SRBD1: variants seen among roughly 807,000 people sequenced by gnomAD.
SRBD1 encodes S1 RNA binding domain 1, also known as S1 RNA-binding domain-containing protein 1.
Under a neutral mutation model 115.3 loss-of-function variants are expected in SRBD1, and 88 were observed. The observed-to-expected ratio is 0.76, with a 90% confidence interval of 0.64 to 0.91. The LOEUF (loss-of-function observed/expected upper bound fraction) is 0.91. Among genes scored for constraint, SRBD1 ranks in the 40% least tolerant of loss-of-function variants. The probability of loss-of-function intolerance (pLI) is 0.00; values close to 1 mark genes in which losing one functional copy is unlikely to be tolerated. For synonymous variants in SRBD1, 509 were observed against 407.7 expected (o/e 1.25, Z -2.99); for missense variants, 1,385 against 1,177.4 (o/e 1.18, Z -2.58).
chr2:45,573,216 G>A lies in SRBD1; in HGVS notation c.1296C>T (p.His432=). ...QHFSCNIRNI[H]HHQILAINRG... ...CAGTTTCTTTATTTACCTGATGATG[G>A]TGAATGTTTCTTATGTTGCAGGAAA... Residue 432 remains histidine (H), a synonymous_variant, in exon 9 of 21, where the codon CAC becomes CAT. Transcript: ENST00000263736. 6.2e-7 allele frequency: 1 copy of A among 1,607,448 alleles called. No homozygotes were observed. The highest frequency in any genetic ancestry group is 1.3e-5 in the African/African-American group (1 of 74,640).
At chr2:45,555,847 C>T (rs777657739) in intron 10 of SRBD1, among the ~76,000 whole-genome samples, 25 of 152,098 alleles carry the variant, frequency 1.6e-4, no homozygotes, top group African/African-American at 4.6e-4. Context: ...TAGTCTGTTA[C>T]GGCACAGTGG....
intron 16 of SRBD1, among the ~76,000 whole-genome samples, chr2:45,459,122 C>T (rs928064731): frequency 6.6e-6 from 1 of 152,096 alleles, no homozygotes; most frequent in Non-Finnish European, 1.5e-5. Context: ...CTTCCACTCC[C>T]ACCTCCAAAA....
intron 9 of SRBD1, chr2:45,568,067 T>A (rs935774348): frequency 6.6e-6 from 1 of 152,032 alleles, no homozygotes; most frequent in Non-Finnish European, 1.5e-5. Context: ...GATGGTGACA[T>A]TGAACAGGAA....
In SRBD1 at chr2:45,418,431, G is replaced by C. The variant is rs1484379950; in HGVS notation, c.2267C>G (p.Pro756Arg). The C allele has an allele frequency of 6.2e-7, 1 of 1,613,932 alleles. No individual in the cohort carries two copies. The highest frequency in any genetic ancestry group is 1.1e-5 in the South Asian group (1 of 91,054). ...EQLKKVKGLG[P>R]KSFQQCAGFI... Reference sequence around the variant, plus strand: ...GCCAGCACACTGTTGGAAGGATTTTGGGCCCAGCCCTTTCACTTTCTTCAG... The same window carrying C: ...GCCAGCACACTGTTGGAAGGATTTTCGGCCCAGCCCTTTCACTTTCTTCAG... The change falls in exon 18 of 21, where the codon CCA becomes CGA. Residue 756 changes from proline to arginine, a missense_variant. By Grantham distance (103) the Pro-to-Arg change is moderately radical. Transcript: ENST00000263736.
intron 18 of SRBD1, 92 bp downstream of exon 18, chr2:45,418,273 C>A: frequency 2.1e-6 from 3 of 1,455,326 alleles, no homozygotes; most frequent in South Asian, 1.4e-5. Flanking sequence ...ACAATGGACA[C>A]TTAGAAAATT....
In SRBD1 at chr2:45,503,756, C is replaced by G. The variant is rs530219461; in HGVS notation, c.1875-15425G>C. Among the ~76,000 whole-genome samples, 13 of 152,234 alleles carry G rather than the reference C, an allele frequency of 8.5e-5. No individual in the cohort carries two copies. The South Asian group carries it at 2.7e-3, about 32-fold the overall frequency. On this transcript the variant is annotated intron_variant, in intron 14 of 20. Transcript: ENST00000263736. ...AAAGTAATATTAAGGTTATTCATTTCCAAGGTGAAACCCAAAATAATGCAT... is the reference window on the plus strand; with the variant it reads ...AAAGTAATATTAAGGTTATTCATTTGCAAGGTGAAACCCAAAATAATGCAT...
intron 2 of SRBD1, among the ~76,000 whole-genome samples, chr2:45,604,311 T>C (rs1048706779): frequency 1.4e-5 from 2 of 147,216 alleles, no homozygotes; most frequent in East Asian, 3.9e-4. Context: ...AAGTTGGAGA[T>C]ACTGTATAAA....
At position 45,414,716 on chromosome 2, in the gene SRBD1, A is replaced by ACACACACACAGTGTG. The variant is rs1259308366; in HGVS notation, c.2334-1424_2334-1423insCACACTGTGTGTGTG. Reference sequence around the variant, plus strand: ...CACACATAGTGTGTATATAGTATGTATATACACACACACAGTGTGTATATA... The same window carrying ACACACACACAGTGTG: ...CACACATAGTGTGTATATAGTATGTACACACACACAGTGTGTATACACACACACAGTGTGTATATA... On this transcript the variant is annotated intron_variant, in intron 18 of 20. Coordinates refer to ENST00000263736, the MANE Select transcript of SRBD1 (RefSeq NM_018079.5). Among the ~76,000 whole-genome samples, 32 of 97,662 alleles carry ACACACACACAGTGTG rather than the reference A, an allele frequency of 3.3e-4. 1 individual carries two copies. The highest frequency in any genetic ancestry group is 1.1e-3 in the South Asian group (4 of 3,482). The allele number at this position is 97,662 out of a possible 152,430, so 64.1% of individuals were successfully genotyped here.
Position 45,452,505 on chromosome 2 carries a change from C to A in SRBD1, c.2049+24488G>T, listed in dbSNP as rs971271379. On this transcript the variant is annotated intron_variant, in intron 16 of 20. Transcript: ENST00000263736. ...TAACCTTTCCCAAAGAGCTATAACT[C>A]ATGTTTAGTTAAATACCAATCACAT... Among the ~76,000 whole-genome samples, 14 of 151,940 alleles carry A rather than the reference C, an allele frequency of 9.2e-5. 1 individual carries two copies. Among genetic ancestry groups the A allele is most frequent in the Admixed American group, 1.3e-4 (2 of 15,224 alleles).
chr2:45,599,893 AC>A, intron 3 of SRBD1, 58 bp from the exon 4 acceptor site: 1 of 1,502,786 alleles, frequency 6.7e-7, no homozygotes, highest in South Asian at 1.3e-5. Flanking sequence ...ATTTCCTGGG[AC>A]TATTACTCAC....
At chr2:45,523,258 T>A (rs1671341289) in intron 14 of SRBD1, among the ~76,000 whole-genome samples, 1 of 143,302 alleles carries the variant, frequency 7.0e-6, no homozygotes, top group East Asian at 2.0e-4. Context: ...TAACCCAACC[T>A]TCCACCCAAA....
intron 16 of SRBD1, among the ~76,000 whole-genome samples, chr2:45,475,679 A>G (rs1279794769): frequency 6.6e-6 from 1 of 152,282 alleles, no homozygotes; most frequent in Non-Finnish European, 1.5e-5. Flanking sequence ...TATAATGCCT[A>G]TATCACAAAA....
At chr2:45,486,088 C>A (rs191545305) in intron 15 of SRBD1, among the ~76,000 whole-genome samples, 87 of 152,246 alleles carry the variant, frequency 5.7e-4, no homozygotes, top group Admixed American at 1.1e-3. Context: ...GAATGATTCT[C>A]CATTTTATTA....
At chr2:45,414,665 T>G (rs146850415) in intron 18 of SRBD1, among the ~76,000 whole-genome samples, 26 of 149,222 alleles carry the variant, frequency 1.7e-4, no homozygotes, top group African/African-American at 6.5e-4. Flanking sequence ...CATACACACA[T>G]AGTGTATATA....
Position 45,418,409 on chromosome 2 carries a change from A to G in SRBD1, c.2289T>C (p.Ala763=), listed in dbSNP as rs1667894784. 1.2e-6 allele frequency: 2 copies of G among 1,614,018 alleles called. No homozygotes were observed. Among genetic ancestry groups the G allele is most frequent in the Non-Finnish European group, 1.7e-6 (2 of 1,180,002 alleles). The change falls in exon 18 of 21, where the codon GCT becomes GCC. Residue 763 remains alanine (A), a synonymous_variant. Transcript: ENST00000263736. ...GLGPKSFQQC[A]GFIRINQDYI... Reference sequence around the variant, plus strand: ...AATCCTGGTTGATTCTGATGAAGCCAGCACACTGTTGGAAGGATTTTGGGC... The same window carrying G: ...AATCCTGGTTGATTCTGATGAAGCCGGCACACTGTTGGAAGGATTTTGGGC...
chr2:45,596,988 TCA>T (rs36095012), intron 4 of SRBD1, among the ~76,000 whole-genome samples: 27,396 of 140,728 alleles, frequency 0.19, 3,130 homozygotes, highest in East Asian at 0.54. Context: ...CCCACAACCC[TCA>T]CACACACACA....
chr2:45,475,543 G>T (rs2103815486), intron 16 of SRBD1, among the ~76,000 whole-genome samples: 1 of 152,278 alleles, frequency 6.6e-6, no homozygotes, highest in East Asian at 1.9e-4. Flanking sequence ...TTTACTTAAA[G>T]ATCTCTTTGA....
chr2:45,507,796 A>G (rs911796006), intron 14 of SRBD1, among the ~76,000 whole-genome samples: 10 of 152,170 alleles, frequency 6.6e-5, no homozygotes, highest in Admixed American at 3.3e-4. Flanking sequence ...CCTTAAAGCC[A>G]TGAAAATCGT....
At chr2:45,526,212 G>A (rs903224681) in intron 14 of SRBD1, among the ~76,000 whole-genome samples, 3 of 151,938 alleles carry the variant, frequency 2.0e-5, no homozygotes, top group Admixed American at 1.3e-4. Context: ...AATGTCAATC[G>A]ACTAATAAAT....
Sources: gnomAD v4.1 joint callset for allele counts (sites outside exome capture counted in the v4.1 genomes callset) on GRCh38, gnomAD v4.1.1 for gene constraint, MANE v1.5 for transcripts, NCBI Gene and HGNC (gene_info 2026-07-23, HGNC 2026-07-21) for gene names.